The following MRPL32 variants were observed in gnomAD, a reference collection of about 807,000 sequenced individuals.
The protein encoded by MRPL32 is large ribosomal subunit protein bL32m.
Under a neutral mutation model 21.7 loss-of-function variants are expected in MRPL32, and 14 were observed. The ratio of observed to expected loss-of-function variants is 0.64; its 90% CI spans 0.43 to 1.01. The LOEUF (loss-of-function observed/expected upper bound fraction) is 1.01, where lower values mean the gene tolerates loss of function less well. MRPL32 is among the 50% of genes least tolerant of loss of function. The pLI is 0.00. For missense variants in MRPL32, 211 were observed against 235.9 expected (o/e 0.89, Z 0.69); for synonymous variants, 83 against 87.7 (o/e 0.95, Z 0.30).
intron 1 of MRPL32, among the ~76,000 whole-genome samples, chr7:42,933,183 C>T (rs994426525): frequency 2.0e-5 from 3 of 152,086 alleles, no homozygotes; most frequent in African/African-American, 7.2e-5. Context: ...GAGTTCGGGA[C>T]CTACTATCGG....
At chr7:42,936,686 C>CTATATATATA (rs201488171) in intron 2 of MRPL32, 2 of 129,324 alleles carry the variant, frequency 1.5e-5, no homozygotes, top group Admixed American at 7.8e-5. Flanking sequence ...CTATATCTAT[C>CTATATATATA]TCTATATATA....
At chr7:42,932,625 C>G in intron 1 of MRPL32, 109 bp downstream of exon 1, 1 of 1,238,358 alleles carries the variant, frequency 8.1e-7, no homozygotes, top group Non-Finnish European at 1.1e-6. Flanking sequence ...GATCCGCGGC[C>G]TCATGTCGGG....
At chr7:42,936,666 A>G (rs917433976) in intron 2 of MRPL32, 2 of 146,304 alleles carry the variant, frequency 1.4e-5, no homozygotes, top group African/African-American at 4.9e-5. Flanking sequence ...AGTTGGAGAT[A>G]TATATATATC....
In MRPL32 at chr7:42,937,770, A is replaced by G. The variant is rs936695720; in HGVS notation, c.*194A>G. ...AAAATTTTGTTTATCCAAAGGCTCA[A>G]TGGATTATGTTTCTATTATATACAA... On this transcript the variant is annotated 3_prime_UTR_variant, in exon 3 of 3. Transcript: ENST00000223324. 1.2e-5 allele frequency: 6 copies of G among 489,524 alleles called. No homozygotes were observed. Among genetic ancestry groups the G allele is most frequent in the Non-Finnish European group, 2.1e-5 (6 of 284,400 alleles). 30.3% of individuals were successfully genotyped at this position (489,524 alleles called of 1,614,324 possible).
chr7:42,932,667 G>C, intron 1 of MRPL32, 151 bp downstream of exon 1: 8 of 641,120 alleles, frequency 1.2e-5, no homozygotes, highest in Non-Finnish European at 6.7e-6. Context: ...ATATTAGCGA[G>C]AACAGAACGA....
intron 1 of MRPL32, among the ~76,000 whole-genome samples, chr7:42,932,954 A>G (rs1386536420): frequency 6.6e-6 from 1 of 151,906 alleles, no homozygotes; most frequent in Non-Finnish European, 1.5e-5. Context: ...AGTATAGTGA[A>G]GTCAGTGCAA....
At position 42,937,841 on chromosome 7, in the gene MRPL32, A is replaced by T; in HGVS notation, c.*265A>T. On this transcript the variant is annotated 3_prime_UTR_variant, in exon 3 of 3. Coordinates refer to ENST00000223324, the MANE Select transcript of MRPL32 (RefSeq NM_031903.3). ...TTTCCAGAACAAAAATAAAAAATTTAAAATTCATAGCAAAAATTCTGTGTT... is the reference window on the plus strand; with the variant it reads ...TTTCCAGAACAAAAATAAAAAATTTTAAATTCATAGCAAAAATTCTGTGTT... The T allele has an allele frequency of 3.5e-6, 1 of 283,018 alleles. No homozygotes were observed. The highest frequency in any genetic ancestry group is 6.5e-6 in the Non-Finnish European group (1 of 154,010). The allele number at this position is 283,018 out of a possible 1,614,324, so 17.5% of individuals were successfully genotyped here.
chr7:42,936,670 A>C (rs1786429237), intron 2 of MRPL32: 2 of 143,084 alleles, frequency 1.4e-5, no homozygotes, highest in South Asian at 2.2e-4. Flanking sequence ...GGAGATATAT[A>C]TATATCTATA....
intron 1 of MRPL32, 147 bp downstream of exon 1, chr7:42,932,663 G>C (rs1382305469): frequency 2.6e-6 from 2 of 759,012 alleles, no homozygotes; most frequent in Non-Finnish European, 1.9e-6. Context: ...TCCCATATTA[G>C]CGAGAACAGA....
Position 42,934,056 on chromosome 7 carries a change from G to A in MRPL32, c.131-899G>A, listed in dbSNP as rs117965697. ...GGCCAAGGTGGGTCCATCACCTAAGGTCAGGAGTTCAAGACCAGCCTGGCC... is the reference window on the plus strand; with the variant it reads ...GGCCAAGGTGGGTCCATCACCTAAGATCAGGAGTTCAAGACCAGCCTGGCC... On this transcript the variant is annotated intron_variant, in intron 1 of 2. Coordinates refer to ENST00000223324, the MANE Select transcript of MRPL32 (RefSeq NM_031903.3). 7.4e-3 allele frequency among the ~76,000 whole-genome samples: 1,123 copies of A among 152,222 alleles called. 8 individuals are homozygous for A. Among genetic ancestry groups the A allele is most frequent in the Non-Finnish European group, 0.011 (728 of 68,022 alleles).
At chr7:42,937,118 A>G (rs1197874293) in intron 2 of MRPL32, 1 of 1,317,616 alleles carries the variant, frequency 7.6e-7, no homozygotes, top group Non-Finnish European at 1.0e-6. Flanking sequence ...GCTGAATTCT[A>G]GTTCTAGTTT....
intron 2 of MRPL32, chr7:42,935,651 G>A (rs1786411130): frequency 6.6e-6 from 1 of 152,174 alleles, no homozygotes; most frequent in Non-Finnish European, 1.5e-5. Flanking sequence ...GTATCTCAGT[G>A]CCTTATGTTT....
Position 42,932,414 on chromosome 7 carries a change from G to A in MRPL32, c.28G>A (p.Val10Ile), listed in dbSNP as rs1025845300. ...GGCGCTGGCCATGCTGGTCTTGGTG[G>A]TTTCGCCGTGGTCTGCGGCCCGGGG... The part of the protein sequence containing the change: MALAMLVLV[V>I]SPWSAARGVL... Residue 10 changes from valine to isoleucine, a missense_variant, in exon 1 of 3, where the codon GTT (valine) becomes ATT (isoleucine). Coordinates refer to ENST00000223324, the MANE Select transcript of MRPL32 (RefSeq NM_031903.3). 11 of 1,611,508 alleles carry A rather than the reference G, an allele frequency of 6.8e-6. No individual in the cohort carries two copies. The highest frequency in any genetic ancestry group is 2.7e-5 in the African/African-American group (2 of 74,778).
At chr7:42,935,230 C>A in intron 2 of MRPL32, 94 bp downstream of exon 2, 1 of 1,009,288 alleles carries the variant, frequency 9.9e-7, no homozygotes, top group Non-Finnish European at 1.5e-6. Flanking sequence ...AAATTATTAT[C>A]AGATTATATG....
intron 1 of MRPL32, among the ~76,000 whole-genome samples, chr7:42,934,462 T>C (rs914796914): frequency 7.2e-5 from 11 of 152,138 alleles, no homozygotes; most frequent in Non-Finnish European, 1.6e-4. Context: ...AGGAACTAAG[T>C]GACTTAAGAG....
intron 2 of MRPL32, 126 bp from the exon 3 acceptor site, chr7:42,937,196 T>G: frequency 6.3e-7 from 1 of 1,579,386 alleles, no homozygotes; most frequent in Non-Finnish European, 8.6e-7. Context: ...AACTAGATGG[T>G]GTATGATGAC....
intron 1 of MRPL32, among the ~76,000 whole-genome samples, chr7:42,933,863 G>A (rs1002194602): frequency 6.6e-6 from 1 of 152,222 alleles, no homozygotes; most frequent in Non-Finnish European, 1.5e-5. Context: ...TCCTGAGCCT[G>A]TGTTGTTAAT....
intron 1 of MRPL32, among the ~76,000 whole-genome samples, chr7:42,934,307 CAAGGA>C (rs1786389179): frequency 6.7e-6 from 1 of 149,474 alleles, no homozygotes; most frequent in Non-Finnish European, 1.5e-5. Context: ...TAAGAAATAG[CAAGGA>C]AAGGGTAAAG....
rs963199984 is a variant in MRPL32 at position 42,935,084 on chromosome 7, T to C, written c.260T>C (p.Ile87Thr). 2 of 1,613,954 alleles carry C rather than the reference T, an allele frequency of 1.2e-6. No individual in the cohort carries two copies. Among genetic ancestry groups the C allele is most frequent in the African/African-American group, 2.7e-5 (2 of 74,912 alleles). The change falls in exon 2 of 3, where the codon ATT becomes ACT. Residue 87 changes from isoleucine to threonine, a missense_variant. Transcript: ENST00000223324. ...WMAAPKNRRTIEVNRCRRRNP... is the reference protein window; with the variant it reads ...WMAAPKNRRTTEVNRCRRRNP... ...GCAGCTCCCAAAAATAGACGCACCA[T>C]TGAAGTTAACCGGTGTAGGAGAAGA...
Sources: allele counts gnomAD v4.1 joint callset (sites outside exome capture counted in the v4.1 genomes callset), GRCh38; gene constraint gnomAD v4.1.1; transcripts MANE v1.5; gene names NCBI Gene and HGNC (gene_info 2026-07-23, HGNC 2026-07-21).